Variants in MET observed in about 807,000 individuals in gnomAD.
The protein encoded by MET is MET proto-oncogene, receptor tyrosine kinase.
Under a neutral mutation model 133.1 loss-of-function variants are expected in MET, and 48 were observed. The observed-to-expected ratio is 0.36, with a 90% CI of 0.29 to 0.46. The LOEUF is 0.46. Ranked by LOEUF, MET falls within the 20% of genes least tolerant of loss-of-function variation. MET has a pLI of 1.00. For synonymous variants in MET, 628 were observed against 616.5 expected (o/e 1.02, Z -0.28); for missense variants, 1,442 against 1,695.9 (o/e 0.85, Z 2.63).
intron 10 of MET, among the ~76,000 whole-genome samples, chr7:116,762,332 C>A (rs1489963596): frequency 6.6e-6 from 1 of 152,150 alleles, no homozygotes; most frequent in Non-Finnish European, 1.5e-5. Flanking sequence ...GGCCTAATGA[C>A]ATAAGTTTGC....
intron 5 of MET, among the ~76,000 whole-genome samples, chr7:116,755,036 G>GA (rs535917613): frequency 6.6e-6 from 1 of 151,474 alleles, no homozygotes; most frequent in East Asian, 1.9e-4. Flanking sequence ...AAGAAAGAAA[G>GA]AAAGAAAAGA....
intron 19 of MET, among the ~76,000 whole-genome samples, chr7:116,791,507 G>A (rs533285461): frequency 5.3e-5 from 8 of 152,170 alleles, no homozygotes; most frequent in Admixed American, 4.6e-4. Context: ...CTTTAGTAAA[G>A]TGTCTACTCA....
intron 11 of MET, among the ~76,000 whole-genome samples, chr7:116,764,562 A>C (rs1189900234): frequency 6.6e-6 from 1 of 152,168 alleles, no homozygotes; most frequent in Non-Finnish European, 1.5e-5. Flanking sequence ...TGAAGGGATT[A>C]GAGATAAACG....
chr7:116,693,364 T>C (rs1175843978), intron 1 of MET, among the ~76,000 whole-genome samples: 3 of 152,176 alleles, frequency 2.0e-5, no homozygotes, highest in African/African-American at 7.2e-5. Context: ...GATTTTAGGC[T>C]ACCAAGATGA....
intron 5 of MET, among the ~76,000 whole-genome samples, chr7:116,750,536 G>T (rs1793876379): frequency 6.6e-6 from 1 of 152,190 alleles, no homozygotes; most frequent in African/African-American, 2.4e-5. Context: ...AAGACTTCAT[G>T]ACTAAAACAC....
intron 1 of MET, among the ~76,000 whole-genome samples, chr7:116,694,639 A>G (rs183628119): frequency 1.3e-3 from 198 of 152,236 alleles, no homozygotes; most frequent in Non-Finnish European, 2.0e-3. Flanking sequence ...TTAAGATATG[A>G]ATCTTATTTT....
intron 5 of MET, among the ~76,000 whole-genome samples, chr7:116,750,849 T>A (rs1388267642): frequency 1.3e-5 from 2 of 152,130 alleles, no homozygotes; most frequent in Non-Finnish European, 2.9e-5. Context: ...ATTAGAGAAA[T>A]GCAAATCAAA....
At chr7:116,771,800 G>A (rs1794843162) in intron 13 of MET, 49 bp from the exon 14 acceptor site, 1 of 1,613,152 alleles carries the variant, frequency 6.2e-7, no homozygotes, top group African/African-American at 1.3e-5. Flanking sequence ...GTCTCCTGGG[G>A]CCCATGATAG....
intron 19 of MET, among the ~76,000 whole-genome samples, chr7:116,794,237 C>T (rs886912063): frequency 6.6e-6 from 1 of 152,108 alleles, no homozygotes; most frequent in Admixed American, 6.6e-5. Flanking sequence ...GTAACCTACT[C>T]GTATGTGATC....
intron 5 of MET, among the ~76,000 whole-genome samples, chr7:116,744,284 A>C (rs1793574055): frequency 6.6e-6 from 1 of 152,132 alleles, no homozygotes; most frequent in Non-Finnish European, 1.5e-5. Flanking sequence ...GGAAGCTAAG[A>C]ACCTTGAAAA....
At position 116,699,555 on chromosome 7, in the gene MET, G is replaced by C. The variant is rs1451799154; in HGVS notation, c.471G>C (p.Glu157Asp). Residue 157 changes from glutamate (E) to aspartate (D), a missense_variant, in exon 2 of 21, where the codon GAG becomes GAC. By Grantham distance (45) the Glu-to-Asp change is conservative. Transcript: ENST00000397752. ...PHNHTADIQS[E>D]VHCIFSPQIE... ...ATCATACTGCTGACATACAGTCGGA[G>C]GTTCACTGCATATTCTCCCCACAGA... 1.2e-6 allele frequency: 2 copies of C among 1,614,044 alleles called. No homozygotes were observed. Among genetic ancestry groups the C allele is most frequent in the South Asian group, 1.1e-5 (1 of 91,084 alleles).
intron 1 of MET, among the ~76,000 whole-genome samples, chr7:116,675,363 A>G (rs1796118832): frequency 6.6e-6 from 1 of 152,250 alleles, no homozygotes. Context: ...ATAATTATTA[A>G]GAGGACATCA....
At position 116,759,401 on chromosome 7, in the gene MET, A is replaced by G; in HGVS notation, c.2275A>G (p.Thr759Ala). 6.2e-7 allele frequency: 1 copy of G among 1,613,650 alleles called. No individual in the cohort carries two copies. The highest frequency in any genetic ancestry group is 1.7e-5 in the Admixed American group (1 of 59,948). The change falls in exon 10 of 21, where the codon ACA (threonine) becomes GCA (alanine). Residue 759 changes from threonine to alanine, a missense_variant. Thr to Ala is a moderately conservative substitution (Grantham distance 58). Coordinates refer to ENST00000397752, the MANE Select transcript of MET (RefSeq NM_000245.4). Reference protein sequence around the residue: ...PTKSFISGGSTITGVGKNLNS... With the variant: ...PTKSFISGGSAITGVGKNLNS... ...ATTTTGCTTTGCCAGTGGTGGGAGC[A>G]CAATAACAGGTGTTGGGAAAAACCT... is the stretch of plus-strand genomic sequence containing the variant.
intron 1 of MET, among the ~76,000 whole-genome samples, chr7:116,681,527 C>T (rs1011067899): frequency 1.3e-5 from 2 of 152,148 alleles, no homozygotes; most frequent in African/African-American, 2.4e-5. Context: ...TGGTCCTTGA[C>T]TATACAAAGT....
chr7:116,692,838 C>G (rs181617254), intron 1 of MET, among the ~76,000 whole-genome samples: 1 of 152,178 alleles, frequency 6.6e-6, no homozygotes, highest in African/African-American at 2.4e-5. Flanking sequence ...ATGTGCACAA[C>G]ATTTTAAGAG....
rs1351634349 is a variant in MET at position 116,741,002 on chromosome 7, A to C, written c.1678A>C (p.Ile560Leu). Residue 560 changes from isoleucine to leucine, a missense_variant, in exon 5 of 21, where the codon ATC becomes CTC. By Grantham distance (5) the Ile-to-Leu change is conservative. Transcript: ENST00000397752. ...CCTGAGCGGGACATGGACTCAACAG[A>C]TCTGTCTGCCTGCAATCTACAAGGT... Reference protein sequence around the residue: ...ECLSGTWTQQICLPAIYKVFP... With the variant: ...ECLSGTWTQQLCLPAIYKVFP... The C allele has an allele frequency of 6.2e-7, 1 of 1,612,350 alleles. No homozygotes were observed. The highest frequency in any genetic ancestry group is 8.5e-7 in the Non-Finnish European group (1 of 1,179,850).
chr7:116,771,677 T>G (rs2116993555), intron 13 of MET, 23 bp downstream of exon 13: 1 of 1,613,240 alleles, frequency 6.2e-7, no homozygotes, highest in African/African-American at 1.3e-5. Flanking sequence ...TACTGTTCAT[T>G]TTTAGAAGTT....
At chr7:116,687,613 T>C (rs1048957308) in intron 1 of MET, among the ~76,000 whole-genome samples, 8 of 152,212 alleles carry the variant, frequency 5.3e-5, no homozygotes, top group South Asian at 2.1e-4. Flanking sequence ...AATTCTTGTC[T>C]ACTTTGCCTA....
At chr7:116,692,958 G>A (rs1218461653) in intron 1 of MET, among the ~76,000 whole-genome samples, 1 of 152,152 alleles carries the variant, frequency 6.6e-6, no homozygotes, top group Non-Finnish European at 1.5e-5. Context: ...AACAGAAACA[G>A]TGAAAAGACA....
Sources: allele counts gnomAD v4.1 joint callset (sites outside exome capture counted in the v4.1 genomes callset), GRCh38; gene constraint gnomAD v4.1.1; transcripts MANE v1.5; gene names NCBI Gene and HGNC (gene_info 2026-07-23, HGNC 2026-07-21).